The following IL12RB2 variants were observed in gnomAD, a reference collection of about 807,000 sequenced individuals.
The protein encoded by IL12RB2 is interleukin 12 receptor subunit beta 2.
In IL12RB2, 82 loss-of-function variants were observed where a neutral mutation model predicts 89.4. The ratio of observed to expected loss-of-function variants is 0.92; its 90% CI spans 0.77 to 1.10. The LOEUF (loss-of-function observed/expected upper bound fraction) is 1.10, where lower values mean the gene tolerates loss of function less well. Ranked by LOEUF, IL12RB2 falls within the 50% of genes least tolerant of loss-of-function variation. The pLI is 0.00. For missense variants in IL12RB2, 963 were observed against 1,031.9 expected (o/e 0.93, Z 0.92); for synonymous variants, 368 against 370.1 (o/e 0.99, Z 0.07).
chr1:67,372,015 T>C (rs1663397149), intron 11 of IL12RB2, among the ~76,000 whole-genome samples: 1 of 152,158 alleles, frequency 6.6e-6, no homozygotes, highest in South Asian at 2.1e-4. Context: ...AATCAAAAGG[T>C]TTTTTTTCTT....
chr1:67,352,874 G>A (rs1660995865), intron 10 of IL12RB2, among the ~76,000 whole-genome samples: 1 of 152,114 alleles, frequency 6.6e-6, no homozygotes, highest in African/African-American at 2.4e-5. Flanking sequence ...GTGAGGGTGT[G>A]GGGAAGATAC....
At chr1:67,366,834 A>G (rs1662729921) in intron 10 of IL12RB2, among the ~76,000 whole-genome samples, 1 of 152,206 alleles carries the variant, frequency 6.6e-6, no homozygotes, top group Non-Finnish European at 1.5e-5. Context: ...TTGGACAAGT[A>G]AAGGGTTTAG....
intron 11 of IL12RB2, among the ~76,000 whole-genome samples, chr1:67,370,032 A>AC (rs1340587396): frequency 4.0e-5 from 6 of 151,884 alleles, no homozygotes; most frequent in Admixed American, 3.9e-4. Flanking sequence ...AAAAAAAAAA[A>AC]AAAACAATAT....
At chr1:67,375,447 A>G (rs1663855052) in intron 13 of IL12RB2, among the ~76,000 whole-genome samples, 1 of 152,198 alleles carries the variant, frequency 6.6e-6, no homozygotes. Flanking sequence ...AACTGTCATA[A>G]TCAAGGACTG....
chr1:67,354,732 T>C (rs527399772), intron 10 of IL12RB2, among the ~76,000 whole-genome samples: 1 of 152,346 alleles, frequency 6.6e-6, no homozygotes, highest in Admixed American at 6.5e-5. Flanking sequence ...CCTTGAATGA[T>C]CTGTAGGGGT....
intron 15 of IL12RB2, among the ~76,000 whole-genome samples, chr1:67,388,341 A>ATT (rs1425900560): frequency 6.6e-6 from 1 of 152,048 alleles, no homozygotes; most frequent in Non-Finnish European, 1.5e-5. Context: ...ATAAACCACA[A>ATT]TATTTTTGTT....
rs1296325237 is a variant in IL12RB2, at chr1:67,350,518, A to G, written c.1039-352A>G. Among the ~76,000 whole-genome samples, 5 of 152,378 alleles carry G rather than the reference A, an allele frequency of 3.3e-5. No individual in the cohort carries two copies. In the South Asian group the frequency reaches 8.3e-4, roughly 25 times the overall value. The stretch of plus-strand genomic sequence containing the variant: ...AGTGCCTTGCCCTTGGGCTGTGTAA[A>G]CAGTAGAGCTGGAACTCAAATCCAG... On this transcript the variant is annotated intron_variant, in intron 9 of 16. Coordinates refer to ENST00000674203, the MANE Select transcript of IL12RB2 (RefSeq NM_001374259.2).
chr1:67,352,915 G>A (rs905887424), intron 10 of IL12RB2, among the ~76,000 whole-genome samples: 19 of 152,142 alleles, frequency 1.2e-4, no homozygotes, highest in Admixed American at 7.9e-4. Flanking sequence ...GTGTAAATTG[G>A]TACAACTTAC....
chr1:67,371,544 G>C (rs1379851062), intron 11 of IL12RB2, among the ~76,000 whole-genome samples: 1 of 152,116 alleles, frequency 6.6e-6, no homozygotes, highest in East Asian at 1.9e-4. Context: ...TACCTAGTAG[G>C]ACTTATCTCT....
At chr1:67,338,552 T>C in intron 8 of IL12RB2, 72 bp from the exon 9 acceptor site, 1 of 789,386 alleles carries the variant, frequency 1.3e-6, no homozygotes, top group South Asian at 1.4e-5. Flanking sequence ...CCAGAATTGT[T>C]TACTGAATGA....
intron 1 of IL12RB2, among the ~76,000 whole-genome samples, chr1:67,308,420 G>T (rs976161908): frequency 6.6e-6 from 1 of 151,146 alleles, no homozygotes; most frequent in Non-Finnish European, 1.5e-5. Flanking sequence ...GTAAGATATT[G>T]GGGGGGGCCT....
At chr1:67,353,705 T>C (rs1022146357) in intron 10 of IL12RB2, among the ~76,000 whole-genome samples, 10 of 152,252 alleles carry the variant, frequency 6.6e-5, no homozygotes, top group African/African-American at 2.4e-4. Flanking sequence ...AAGTTATTTT[T>C]CTTCCCTTTT....
chr1:67,330,913 T>C (rs1362044205), intron 8 of IL12RB2, 103 bp downstream of exon 8: 2 of 777,740 alleles, frequency 2.6e-6, no homozygotes, highest in Non-Finnish European at 4.7e-6. Context: ...CTACTGGTGC[T>C]GAATCAAAAA....
intron 8 of IL12RB2, among the ~76,000 whole-genome samples, chr1:67,337,511 G>C (rs186436956): frequency 6.6e-6 from 1 of 152,282 alleles, no homozygotes; most frequent in African/African-American, 2.4e-5. Context: ...TAGTCTCTTT[G>C]CAAGTATGTT....
In IL12RB2 at chr1:67,395,668, G is replaced by A; in HGVS notation, c.2168G>A (p.Cys723Tyr). ...QVTPVFRHPP[C>Y]SNWPQREKGI... ...ACCCCAGTTTTCAGACATCCCCCCT[G>A]CTCCAACTGGCCACAAAGGGAAAAA... is the stretch of plus-strand genomic sequence containing the variant. Residue 723 changes from cysteine (C) to tyrosine (Y), a missense_variant, in exon 17 of 17, where the codon TGC becomes TAC. Coordinates refer to ENST00000674203, the MANE Select transcript of IL12RB2 (RefSeq NM_001374259.2). The A allele has an allele frequency of 1.2e-6, 2 of 1,614,156 alleles. No individual in the cohort carries two copies. Among genetic ancestry groups the A allele is most frequent in the Non-Finnish European group, 1.7e-6 (2 of 1,180,034 alleles).
chr1:67,334,964 A>G (rs1658576165), intron 8 of IL12RB2, among the ~76,000 whole-genome samples: 1 of 152,052 alleles, frequency 6.6e-6, no homozygotes, highest in Admixed American at 6.5e-5. Context: ...TTTCTCTTCT[A>G]AAGAGATTTA....
At chr1:67,364,496 T>C (rs1200024960) in intron 10 of IL12RB2, among the ~76,000 whole-genome samples, 1 of 152,258 alleles carries the variant, frequency 6.6e-6, no homozygotes, top group Admixed American at 6.5e-5. Flanking sequence ...GGAGTAGCTG[T>C]ATTAATTTCA....
chr1:67,314,842 C>T (rs1315460921), intron 2 of IL12RB2, among the ~76,000 whole-genome samples: 1 of 149,408 alleles, frequency 6.7e-6, no homozygotes, highest in Non-Finnish European at 1.5e-5. Context: ...ACCCCACCCC[C>T]ATCCCCGATC....
At chr1:67,367,453 AAGGAACGAG>A (rs1662804271) in intron 10 of IL12RB2, among the ~76,000 whole-genome samples, 1 of 91,446 alleles carries the variant, frequency 1.1e-5, no homozygotes, top group Non-Finnish European at 2.3e-5. Flanking sequence ...GAAGGAAGGA[AAGGAACGAG>A]GGAAGGAAGG....
Sources: allele counts gnomAD v4.1 joint callset (sites outside exome capture counted in the v4.1 genomes callset), GRCh38; gene constraint gnomAD v4.1.1; transcripts MANE v1.5; gene names NCBI Gene and HGNC (gene_info 2026-07-23, HGNC 2026-07-21).